SP140: variants seen among roughly 807,000 people sequenced by gnomAD.
SP140 encodes nuclear body protein SP140.
A neutral mutation model predicts 125.0 loss-of-function variants in SP140; 81 were observed. The observed-to-expected ratio is 0.65, with a 90% CI of 0.54 to 0.78. The LOEUF is 0.78. Ranked by LOEUF, SP140 falls within the 30% of genes least tolerant of loss-of-function variation. SP140 has a pLI of 0.00. For synonymous variants in SP140, 312 were observed against 354.0 expected (o/e 0.88, Z 1.33); for missense variants, 858 against 1,037.0 (o/e 0.83, Z 2.37).
chr2:230,306,310 C>T (rs1306974995), intron 22 of SP140, among the ~76,000 whole-genome samples: 1 of 152,220 alleles, frequency 6.6e-6, no homozygotes, highest in African/African-American at 2.4e-5. Context: ...CCCTGAGTGT[C>T]AGGTTCCTTT....
chr2:230,192,406 C>A, the SP140 span, among the ~76,000 whole-genome samples: 1 of 152,188 alleles, frequency 6.6e-6, no homozygotes. Flanking sequence ...AGCCCAAAAA[C>A]TTCTCGAACT....
intron 18 of SP140, chr2:230,288,213 A>T: frequency 2.5e-6 from 1 of 405,794 alleles, no homozygotes; most frequent in Non-Finnish European, 4.5e-6. Context: ...CACTGAAATG[A>T]TAAATTTCAA....
intron 22 of SP140, among the ~76,000 whole-genome samples, chr2:230,309,382 T>C (rs11887432): frequency 0.23 from 35,548 of 152,018 alleles, 5,110 homozygotes; most frequent in African/African-American, 0.41. Flanking sequence ...CCACGGTCCT[T>C]CCCCCTCAGA....
At chr2:230,197,791 T>C in the SP140 span, among the ~76,000 whole-genome samples, 2 of 152,148 alleles carry the variant, frequency 1.3e-5, no homozygotes, top group South Asian at 4.1e-4. Context: ...CACCATTTAT[T>C]AAATAGGGAA....
Position 230,287,896 on chromosome 2 carries a change from A to G in SP140, c.1650A>G (p.Arg550=). 1 of 1,611,098 alleles carries G rather than the reference A, an allele frequency of 6.2e-7. No individual in the cohort carries two copies. The change falls in exon 18 of 27, where the codon AGA becomes AGG. Residue 550 remains arginine, a synonymous_variant. Coordinates refer to ENST00000392045, the MANE Select transcript of SP140 (RefSeq NM_007237.5). The stretch of plus-strand genomic sequence containing the variant: ...TATATTATTCTACTTTCTCAGGGAG[A>G]AAGAGAGGCAAACCTGGAACCCGCT... ...NLKDLSKIRG[R]KRGKPGTRFT...
intron 22 of SP140, among the ~76,000 whole-genome samples, 169 bp downstream of exon 22, chr2:230,297,631 G>T (rs925919242): frequency 6.6e-6 from 1 of 152,136 alleles, no homozygotes; most frequent in Non-Finnish European, 1.5e-5. Context: ...CCTGGGCCTT[G>T]GATGTCTCAT....
chr2:230,259,704 C>G (rs1469789308), intron 12 of SP140, among the ~76,000 whole-genome samples: 2 of 147,878 alleles, frequency 1.4e-5, no homozygotes, highest in African/African-American at 5.0e-5. Context: ...AAAATAGTCT[C>G]CAATCTCATC....
At chr2:230,252,088 T>G (rs1175919638) in intron 10 of SP140, among the ~76,000 whole-genome samples, 1 of 151,894 alleles carries the variant, frequency 6.6e-6, no homozygotes, top group Non-Finnish European at 1.5e-5. Flanking sequence ...TATTAACAAG[T>G]AAAGCAAGCT....
At chr2:230,279,838 A>G (rs13403849) in intron 15 of SP140, among the ~76,000 whole-genome samples, 57,941 of 150,830 alleles carry the variant, frequency 0.38, 11,460 homozygotes, top group Middle Eastern at 0.5. Flanking sequence ...TTCCAGGATG[A>G]CCTTAAACTC....
intron 22 of SP140, among the ~76,000 whole-genome samples, chr2:230,308,018 G>C (rs11901463): frequency 1.4e-4 from 15 of 105,020 alleles, no homozygotes; most frequent in Non-Finnish European, 2.1e-4. Context: ...CACACACACA[G>C]AGACACACAC....
At chr2:230,240,197 A>G (rs1407774490) in intron 3 of SP140, among the ~76,000 whole-genome samples, 1 of 138,726 alleles carries the variant, frequency 7.2e-6, no homozygotes, top group East Asian at 2.0e-4. Flanking sequence ...AGTTAAGACT[A>G]CAAGTATAAA....
In SP140 at chr2:230,205,323, C is replaced by G. The variant is rs1369563028; in HGVS notation, c.-323+2044C>G. Among the ~76,000 whole-genome samples, 3 of 152,166 alleles carry G rather than the reference C, an allele frequency of 2.0e-5. 1 individual carries two copies. Among genetic ancestry groups the G allele is most frequent in the East Asian group, 3.8e-4 (2 of 5,202 alleles). ...TTCACTTCCTACCACCTTCTTTCTT[C>G]ATCATCACCAACAACACTGGTCTTT... On this transcript the variant is annotated intron_variant, in intron 1 of 4. Coordinates refer to the SP140 transcript ENST00000456542.
chr2:230,250,955 T>A (rs1411030029), intron 9 of SP140, 26 bp from the exon 10 acceptor site: 1 of 1,611,958 alleles, frequency 6.2e-7, no homozygotes, highest in Admixed American at 1.7e-5. Flanking sequence ...TCATAATTTC[T>A]TGAGGGATTT....
intron 7 of SP140, among the ~76,000 whole-genome samples, chr2:230,246,205 A>ATTGG (rs1370232981): frequency 7.9e-5 from 12 of 152,310 alleles, no homozygotes; most frequent in Non-Finnish European, 1.8e-4. Context: ...GCTTTCCTTA[A>ATTGG]GAGGCACAAG....
chr2:230,259,948 A>T (rs1197906509), intron 12 of SP140, among the ~76,000 whole-genome samples: 3 of 151,884 alleles, frequency 2.0e-5, no homozygotes, highest in Non-Finnish European at 4.4e-5. Flanking sequence ...TTTCCTCTGG[A>T]TAGATACCCA....
At chr2:230,282,868 C>T (rs1157109469) in intron 15 of SP140, among the ~76,000 whole-genome samples, 2 of 152,330 alleles carry the variant, frequency 1.3e-5, no homozygotes, top group East Asian at 3.9e-4. Context: ...GTGTCTCTTA[C>T]GTGGCTCCTG....
At chr2:230,202,798 G>A (rs2043312456), upstream of SP140, 4 of 1,467,218 alleles carry the variant, frequency 2.7e-6, no homozygotes, top group Middle Eastern at 1.7e-4. Context: ...GTCCCAATCA[G>A]TGACTTCCCT....
chr2:230,228,271 T>C (rs1416267023), intron 1 of SP140, among the ~76,000 whole-genome samples: 1 of 152,200 alleles, frequency 6.6e-6, no homozygotes, highest in Non-Finnish European at 1.5e-5. Flanking sequence ...ATTTCTATTC[T>C]TTTAAATTTG....
At chr2:230,262,136 C>G (rs2149301886) in intron 12 of SP140, among the ~76,000 whole-genome samples, 1 of 152,192 alleles carries the variant, frequency 6.6e-6, no homozygotes, top group South Asian at 2.1e-4. Flanking sequence ...CTGCTTGTTA[C>G]TGGTCTGTTC....
Sources: allele counts gnomAD v4.1 joint callset (sites outside exome capture counted in the v4.1 genomes callset), GRCh38; gene constraint gnomAD v4.1.1; transcripts MANE v1.5; gene names NCBI Gene and HGNC (gene_info 2026-07-23, HGNC 2026-07-21).